Variants in MRPL9 observed in about 807,000 individuals in gnomAD.
The protein encoded by MRPL9 is large ribosomal subunit protein bL9m.
In MRPL9, 25 loss-of-function variants were observed where a neutral mutation model predicts 27.6. The observed-to-expected ratio is 0.91, with a 90% confidence interval of 0.66 to 1.27. The LOEUF (loss-of-function observed/expected upper bound fraction) is 1.27, where lower values mean the gene tolerates loss of function less well. Ranked by LOEUF, MRPL9 falls within the 50% of genes most tolerant of loss-of-function variation. The pLI is 0.00. For synonymous variants in MRPL9, 154 were observed against 139.0 expected (o/e 1.11, Z -0.76); for missense variants, 362 against 338.0 (o/e 1.07, Z -0.56).
chr1:151,759,992 G>C lies in MRPL9; in HGVS notation c.*58C>G, dbSNP rs1647986458. On this transcript the variant is annotated 3_prime_UTR_variant, in exon 7 of 7. Transcript: ENST00000368830. ...AGCTGGGAGTGAGATCAGGGTGCTT[G>C]CACATTTCTGCTCCACTGCTCCCGA... 3 of 1,590,608 alleles carry C rather than the reference G, an allele frequency of 1.9e-6. No homozygotes were observed. The highest frequency in any genetic ancestry group is 2.7e-5 in the African/African-American group (2 of 73,876).
At chr1:151,762,054 T>G (rs1285023903) in intron 4 of MRPL9, 51 bp downstream of exon 4, 1 of 1,570,158 alleles carries the variant, frequency 6.4e-7, no homozygotes, top group African/African-American at 1.4e-5. Context: ...ACTCTCAGGG[T>G]GAGGTTGGTA....
At chr1:151,762,934 A>C (rs1309886983) in intron 2 of MRPL9, 56 bp downstream of exon 2, 1 of 1,583,064 alleles carries the variant, frequency 6.3e-7, no homozygotes. Flanking sequence ...CGGGCTAGAA[A>C]AAGCTGATGC....
At position 151,761,577 on chromosome 1, in the gene MRPL9, C is replaced by A; in HGVS notation, c.487-25G>T. 2.0e-6 allele frequency: 3 copies of A among 1,538,108 alleles called. No homozygotes were observed. The South Asian group carries it at 3.4e-5, about 17-fold the overall frequency. On this transcript the variant is annotated intron_variant, in intron 4 of 6. Coordinates refer to ENST00000368830, the MANE Select transcript of MRPL9 (RefSeq NM_031420.4). ...TCTGAAAGGAATTATGAGTTTGAGT[C>A]AAAGGAGAGGAAACATGTCAGGGTC...
Position 151,762,421 on chromosome 1 carries a change from T to C in MRPL9, c.390A>G (p.Val130=), listed in dbSNP as rs1443956018. ...GCTTCTTGTTTTCAGGGGATGCATA[T>C]ACAGCCAGTCCCTGAGGAAGGAGTC... The part of the protein sequence containing the change: ...RNRLLPQGLA[V]YASPENKKLF... The change falls in exon 3 of 7, where the codon GTA becomes GTG. Residue 130 remains valine, a synonymous_variant. Transcript: ENST00000368830. 2 of 1,614,076 alleles carry C rather than the reference T, an allele frequency of 1.2e-6. No individual in the cohort carries two copies.
chr1:151,759,850 C>T lies in MRPL9; in HGVS notation c.*200G>A, dbSNP rs1209438737. ...AATCTACAGCCTGGTACTTCTGGAA[C>T]AGGACTTCCCTGCCCCAGTGATGAC... On this transcript the variant is annotated 3_prime_UTR_variant, in exon 7 of 7. Coordinates refer to ENST00000368830, the MANE Select transcript of MRPL9 (RefSeq NM_031420.4). 13 of 621,744 alleles carry T rather than the reference C, an allele frequency of 2.1e-5. No individual in the cohort carries two copies. The highest frequency in any genetic ancestry group is 3.0e-5 in the Non-Finnish European group (12 of 394,244). The allele number at this position is 621,744 out of a possible 1,614,324, so 38.5% of individuals were successfully genotyped here.
At chr1:151,760,921 A>AAAAAAAAAAAAAAAAAAAAAAAAAT in intron 5 of MRPL9, 22 bp from the exon 6 acceptor site, 1 of 1,540,780 alleles carries the variant, frequency 6.5e-7, no homozygotes, top group African/African-American at 1.5e-5. Flanking sequence ...AAAAAAAAAA[A>AAAAAAAAAAAAAAAAAAAAAAAAAT]AAAAATCTCA....
Position 151,763,141 on chromosome 1 carries a change from C to T in MRPL9, c.159G>A (p.Thr53=), listed in dbSNP as rs535830371. Reference sequence around the variant, plus strand: ...CCTTCCACCAGCGCTCCACGATGACCGTGCCCTGGCGGCCAGGAAAGCGAC... The same window carrying T: ...CCTTCCACCAGCGCTCCACGATGACTGTGCCCTGGCGGCCAGGAAAGCGAC... ...CNFSLSQNRG[T]VIVERWWKVP... The change falls in exon 2 of 7, where the codon ACG becomes ACA. Residue 53 remains threonine (T), a synonymous_variant. Coordinates refer to ENST00000368830, the MANE Select transcript of MRPL9 (RefSeq NM_031420.4). 5.6e-6 allele frequency: 9 copies of T among 1,612,832 alleles called. No homozygotes were observed. In the East Asian group the frequency reaches 1.8e-4, roughly 32 times the overall value.
Position 151,762,414 on chromosome 1 carries a change from A to C in MRPL9, c.397T>G (p.Ser133Ala). 1 of 1,614,184 alleles carries C rather than the reference A, an allele frequency of 6.2e-7. No homozygotes were observed. Among genetic ancestry groups the C allele is most frequent in the Non-Finnish European group, 8.5e-7 (1 of 1,180,022 alleles). ...TCAAACAGCTTCTTGTTTTCAGGGG[A>C]TGCATATACAGCCAGTCCCTGAGGA... Reference protein sequence around the residue: ...LLPQGLAVYASPENKKLFEEE... With the variant: ...LLPQGLAVYAAPENKKLFEEE... The change falls in exon 3 of 7, where the codon TCC becomes GCC. Residue 133 changes from serine (S) to alanine (A), a missense_variant. Physicochemically the swap from Ser to Ala is moderately conservative, Grantham distance 99 (BLOSUM62 1). Transcript: ENST00000368830.
At chr1:151,760,392 A>G (rs572572164) in intron 6 of MRPL9, among the ~76,000 whole-genome samples, 2 of 152,138 alleles carry the variant, frequency 1.3e-5, no homozygotes, top group Admixed American at 1.3e-4. Flanking sequence ...AGCCTGGCCA[A>G]CATGGGGAAA....
Position 151,763,366 on chromosome 1 carries a change from G to A in MRPL9, c.114C>T (p.Ala38=), listed in dbSNP as rs1270443572. 1 of 1,576,730 alleles carries A rather than the reference G, an allele frequency of 6.3e-7. No homozygotes were observed. Among genetic ancestry groups the A allele is most frequent in the Non-Finnish European group, 8.6e-7 (1 of 1,159,882 alleles). Residue 38 remains alanine (A), a synonymous_variant, in exon 1 of 7, where the codon GCC becomes GCT. Transcript: ENST00000368830. The part of the protein sequence containing the change: ...ELLRPRHEGN[A]PDLACNFSLS... Reference sequence around the variant, plus strand: ...GGCTGAAGTTGCAGGCCAGGTCAGGGGCGTTCCCTTCATGTCGCGGCCGCA... The same window carrying A: ...GGCTGAAGTTGCAGGCCAGGTCAGGAGCGTTCCCTTCATGTCGCGGCCGCA...
intron 5 of MRPL9, 28 bp from the exon 6 acceptor site, chr1:151,760,927 T>G: frequency 3.3e-6 from 2 of 599,580 alleles, no homozygotes; most frequent in African/African-American, 4.8e-5. Context: ...AAAAAAAAAA[T>G]CTCAGCTCAA....
rs776447743 is a variant in MRPL9, at chr1:151,759,695, G to T, written c.*355C>A. On this transcript the variant is annotated 3_prime_UTR_variant, in exon 7 of 7. Coordinates refer to ENST00000368830, the MANE Select transcript of MRPL9 (RefSeq NM_031420.4). ...TTTCTGCTTGGGATACAAATGTTCA[G>T]TTTGGATGATGAGAATGAGGCAAGT... 2.2e-5 allele frequency: 4 copies of T among 182,922 alleles called. No individual in the cohort carries two copies. Among genetic ancestry groups the T allele is most frequent in the Non-Finnish European group, 4.5e-5 (4 of 89,146 alleles). 11.3% of individuals were successfully genotyped at this position (182,922 alleles called of 1,614,324 possible). A position where few individuals can be genotyped will look rare whatever the true frequency, so the allele number is the denominator to read the frequency against.
chr1:151,759,969 C>T lies in MRPL9; in HGVS notation c.*81G>A. On this transcript the variant is annotated 3_prime_UTR_variant, in exon 7 of 7. Coordinates refer to ENST00000368830, the MANE Select transcript of MRPL9 (RefSeq NM_031420.4). ...TCTAAAATTCTGTATTTGGTCAGAG[C>T]TGGGAGTGAGATCAGGGTGCTTGCA... The T allele has an allele frequency of 6.4e-7, 1 of 1,554,914 alleles. No individual in the cohort carries two copies. The highest frequency in any genetic ancestry group is 8.7e-7 in the Non-Finnish European group (1 of 1,146,946).
chr1:151,762,329 AAGAAGTTTT>A, intron 3 of MRPL9, 38 bp downstream of exon 3: 1 of 1,611,062 alleles, frequency 6.2e-7, no homozygotes, highest in Non-Finnish European at 8.5e-7. Context: ...TGCAAGAGAA[AAGAAGTTTT>A]ATCTCCCCAA....
intron 4 of MRPL9, 118 bp from the exon 5 acceptor site, chr1:151,761,670 G>T (rs935971423): frequency 5.3e-5 from 37 of 703,216 alleles, no homozygotes; most frequent in South Asian, 3.0e-4. Flanking sequence ...GCCAAGGTGG[G>T]TCTCCCAAAG....
chr1:151,763,196 C>A, intron 1 of MRPL9, 50 bp from the exon 2 acceptor site: 1 of 1,583,334 alleles, frequency 6.3e-7, no homozygotes, highest in South Asian at 1.1e-5. Flanking sequence ...GGAACACCCT[C>A]TCCCTCCACC....
At position 151,760,902 on chromosome 1, in the gene MRPL9, GCA is replaced by G; in HGVS notation, c.589-5_589-4del. On this transcript the variant is annotated splice_polypyrimidine_tract_variant and splice_region_variant and intron_variant, in intron 5 of 6. Transcript: ENST00000368830. ...TGTGGGGCAACCACAACACCAAGCTGCAAAAAAAAAAAAAAAAAAAAAAATCT... is the reference window on the plus strand; with the variant it reads ...TGTGGGGCAACCACAACACCAAGCTGAAAAAAAAAAAAAAAAAAAAAATCT... The G allele has an allele frequency of 1.6e-5, 16 of 1,021,748 alleles. No homozygotes were observed. Among genetic ancestry groups the G allele is most frequent in the Admixed American group, 1.3e-4 (2 of 15,602 alleles). The allele number at this position is 1,021,748 out of a possible 1,614,324, so 63.3% of individuals were successfully genotyped here.
Position 151,763,430 on chromosome 1 carries a change from C to T in MRPL9, c.50G>A (p.Gly17Asp), listed in dbSNP as rs1648218098. 1 of 1,567,174 alleles carries T rather than the reference C, an allele frequency of 6.4e-7. No homozygotes were observed. The highest frequency in any genetic ancestry group is 1.4e-5 in the African/African-American group (1 of 73,832). The change falls in exon 1 of 7, where the codon GGC becomes GAC. Residue 17 changes from glycine to aspartate, a missense_variant. Coordinates refer to ENST00000368830, the MANE Select transcript of MRPL9 (RefSeq NM_031420.4). ...GCCTCCCCGAAGCAGCCGTCCAGCG[C>T]CCGCCCGCAGCAGAGCTCTGCCCGG... ...TAPGRALLRA[G>D]AGRLLRGGVQ...
intron 2 of MRPL9, 80 bp from the exon 3 acceptor site, chr1:151,762,580 C>A: frequency 6.9e-7 from 1 of 1,440,244 alleles, no homozygotes; most frequent in Non-Finnish European, 9.5e-7. Flanking sequence ...AGAAGCACCT[C>A]TTAGTTTCTC....
Sources: allele counts gnomAD v4.1 joint callset (sites outside exome capture counted in the v4.1 genomes callset), GRCh38; gene constraint gnomAD v4.1.1; transcripts MANE v1.5; gene names NCBI Gene and HGNC (gene_info 2026-07-23, HGNC 2026-07-21).